ARVCF: variants seen among roughly 807,000 people sequenced by gnomAD.
The protein encoded by ARVCF is ARVCF delta catenin family member.
Under a neutral mutation model 90.9 loss-of-function variants are expected in ARVCF, and 66 were observed. The ratio of observed to expected loss-of-function variants is 0.73; its 90% CI spans 0.60 to 0.89. The LOEUF is 0.89. Ranked by LOEUF, ARVCF falls within the 40% of genes least tolerant of loss-of-function variation. The pLI is 0.00. For synonymous variants in ARVCF, 653 were observed against 603.4 expected, an observed-to-expected ratio of 1.08 and a Z score of -1.21; for missense variants, 1,469 against 1,382.3, an observed-to-expected ratio of 1.06 and a Z score of -1.00.
Position 19,971,890 on chromosome 22 carries a change from A to T in ARVCF, c.2777T>A (p.Leu926Ter), listed in dbSNP as rs1428757344. The T allele has an allele frequency of 2.5e-6, 4 of 1,613,084 alleles. No individual in the cohort carries two copies. The African/African-American group carries it at 5.3e-5, about 22-fold the overall frequency. ...CACAGCCACATGACCACTTACTTTC[A>T]AGGGTTCCTTCTCAGAGGCCTCTCC... ...SAGEASEKEP[L>*]KLDPSRKAPP... The change falls in exon 18 of 20, where the codon TTG becomes TAG. Residue 926 changes from leucine (L) to a stop codon, truncating the protein, a stop_gained. Coordinates refer to ENST00000263207, the MANE Select transcript of ARVCF (RefSeq NM_001670.3). LOFTEE classifies it high-confidence loss of function.
At chr22:19,987,978 C>T (rs1943882358) in intron 3 of ARVCF, among the ~76,000 whole-genome samples, 1 of 152,200 alleles carries the variant, frequency 6.6e-6, no homozygotes, top group Non-Finnish European at 1.5e-5. Flanking sequence ...TCAAACCCCA[C>T]AAAGGCCAAG....
chr22:19,978,032 C>T lies in ARVCF; in HGVS notation c.1624G>A (p.Glu542Lys). The change falls in exon 8 of 20, where the codon GAG becomes AAG. Residue 542 changes from glutamate (E) to lysine (K), a missense_variant. Coordinates refer to ENST00000263207, the MANE Select transcript of ARVCF (RefSeq NM_001670.3). ...AGCGCGTCCACCAGCCCTTCACACT[C>T]CCGGAGTCGCCGCCGGGCCTCAGCA... ...DGAEARRRLR[E>K]CEGLVDALLH... is the part of the protein sequence containing the mutation. 1 of 1,611,788 alleles carries T rather than the reference C, an allele frequency of 6.2e-7. No individual in the cohort carries two copies.
Position 19,982,900 on chromosome 22 carries a change from G to A in ARVCF, c.211-809C>T, listed in dbSNP as rs117224761. ...TTGCCACCATTCTGCATGGGGTGAC[G>A]ACACTGGAATTCTAGGCAAGACAAC... On this transcript the variant is annotated intron_variant, in intron 3 of 19. Coordinates refer to ENST00000263207, the MANE Select transcript of ARVCF (RefSeq NM_001670.3). 1.1e-4 allele frequency among the ~76,000 whole-genome samples: 17 copies of A among 152,328 alleles called. No homozygotes were observed. The East Asian group carries it at 2.1e-3, about 19-fold the overall frequency.
At chr22:19,967,492 C>T (rs1267881879), downstream of ARVCF, 1 of 432,520 alleles carries the variant, frequency 2.3e-6, no homozygotes, top group Non-Finnish European at 4.7e-6. Flanking sequence ...ACTGACCTTG[C>T]AGCCGTGTGG....
Position 19,970,584 on chromosome 22 carries a change from G to A in ARVCF, c.*172C>T. 8.1e-7 allele frequency: 1 copy of A among 1,236,002 alleles called. No individual in the cohort carries two copies. Among genetic ancestry groups the A allele is most frequent in the Non-Finnish European group, 1.0e-6 (1 of 963,640 alleles). 76.6% of individuals were successfully genotyped at this position (1,236,002 alleles called of 1,614,324 possible). A position where few individuals can be genotyped will look rare whatever the true frequency, so the allele number is the denominator to read the frequency against. Reference sequence around the variant, plus strand: ...GGAGTTAGGTAGGATGGGGGGAGTGGGGTGGGGGGGCAGGAGGGTGTCCCC... The same window carrying A: ...GGAGTTAGGTAGGATGGGGGGAGTGAGGTGGGGGGGCAGGAGGGTGTCCCC... On this transcript the variant is annotated 3_prime_UTR_variant, in exon 20 of 20. Transcript: ENST00000263207.
intron 3 of ARVCF, 51 bp from the exon 4 acceptor site, chr22:19,982,142 G>C: frequency 6.3e-7 from 1 of 1,594,716 alleles, no homozygotes; most frequent in Non-Finnish European, 8.5e-7. Flanking sequence ...AGTCACCCCT[G>C]GAGTGCAGGT....
chr22:19,966,309 A>G (rs174697), downstream of ARVCF, among the ~76,000 whole-genome samples: 133,598 of 151,916 alleles, frequency 0.88, 59,287 homozygotes, highest in Middle Eastern at 0.96. Flanking sequence ...CGGAGGCACG[A>G]GGGGTGAGGG....
chr22:20,003,588 AT>A (rs1569191122), intron 2 of ARVCF, among the ~76,000 whole-genome samples: 1 of 152,244 alleles, frequency 6.6e-6, no homozygotes, highest in Non-Finnish European at 1.5e-5. Flanking sequence ...AAATCAATCA[AT>A]GTAATACGCC....
rs1944627113 is a variant in ARVCF, at chr22:20,006,402, C to T, written c.-19+4053G>A. Among the ~76,000 whole-genome samples, 3 of 151,590 alleles carry T rather than the reference C, an allele frequency of 2.0e-5. No individual in the cohort carries two copies. In the South Asian group the frequency reaches 6.3e-4, roughly 32 times the overall value. The stretch of plus-strand genomic sequence containing the variant: ...ACCATCCTGGCTAACATGGTGAAAC[C>T]CCGTCTCTACTAAAAGTACAAAAAA... On this transcript the variant is annotated intron_variant, in intron 2 of 19. Transcript: ENST00000263207.
At chr22:19,972,482 G>A in intron 16 of ARVCF, 71 bp from the exon 17 acceptor site, 6 of 1,587,922 alleles carry the variant, frequency 3.8e-6, no homozygotes, top group African/African-American at 2.7e-5. Context: ...AGCCCACACA[G>A]GGCTGGCCCA....
intron 9 of ARVCF, 67 bp from the exon 10 acceptor site, chr22:19,976,790 C>A (rs571181555): frequency 2.0e-5 from 31 of 1,534,664 alleles, no homozygotes; most frequent in Middle Eastern, 1.7e-4. Context: ...ATCACCCCCC[C>A]ATGCCCTCCC....
At position 19,973,776 on chromosome 22, in the gene ARVCF, G is replaced by A. The variant is rs1322640266; in HGVS notation, c.2106C>T (p.Arg702=). Residue 702 remains arginine, a synonymous_variant, in exon 13 of 20, where the codon CGC becomes CGT. Transcript: ENST00000263207. The part of the protein sequence containing the change: ...AGNWMWATYI[R]ATVRKERGLP... ...GCCCGCGCTCTTTGCGCACTGTGGC[G>A]CGGATGTACGTGGCCCACTGCGGAG... is the stretch of plus-strand genomic sequence containing the variant. The A allele has an allele frequency of 1.2e-6, 2 of 1,606,332 alleles. No homozygotes were observed. Among genetic ancestry groups the A allele is most frequent in the African/African-American group, 1.3e-5 (1 of 75,066 alleles).
At chr22:19,977,231 G>A (rs949818516) in intron 9 of ARVCF, among the ~76,000 whole-genome samples, 184 bp downstream of exon 9, 5 of 151,708 alleles carry the variant, frequency 3.3e-5, no homozygotes, top group African/African-American at 1.2e-4. Context: ...TTGGACCTGG[G>A]TCCCATCAAC....
intron 2 of ARVCF, among the ~76,000 whole-genome samples, chr22:19,993,936 C>T (rs895236762): frequency 1.3e-5 from 2 of 152,242 alleles, no homozygotes; most frequent in African/African-American, 2.4e-5. Flanking sequence ...AGGACCAGGA[C>T]GTGAGCCTCC....
At chr22:19,977,679 C>A (rs1409888799) in intron 8 of ARVCF, 93 bp from the exon 9 acceptor site, 8 of 1,450,628 alleles carry the variant, frequency 5.5e-6, no homozygotes, top group Non-Finnish European at 7.3e-6. Flanking sequence ...CATGAGGGCA[C>A]CGGGAGCAAA....
rs1204479187 is a variant in ARVCF, at chr22:19,990,814, T to C, written c.-18-2A>G. ...CTCCATGACCAGAGCGCCCGCCAGC[T>C]GCAGGCAAAGCAGAGTAAGCTCAGT... On this transcript the variant is annotated splice_acceptor_variant, in intron 2 of 19. Transcript: ENST00000263207. LOFTEE classifies it low-confidence loss of function (5UTR_SPLICE). 2 of 1,545,214 alleles carry C rather than the reference T, an allele frequency of 1.3e-6. No homozygotes were observed. The highest frequency in any genetic ancestry group is 2.7e-5 in the African/African-American group (2 of 73,156).
At position 19,981,605 on chromosome 22, in the gene ARVCF, G is replaced by A; in HGVS notation, c.502C>T (p.Leu168=). The change falls in exon 5 of 20, where the codon CTG becomes TTG. Residue 168 remains leucine (L), a synonymous_variant. Transcript: ENST00000263207. The stretch of plus-strand genomic sequence containing the variant: ...GCCACTGGGCCACCACCACGCAGCA[G>A]GAAATGCCGGTCCAGGGCACCATCT... ...FADGALDRHF[L]LRGGGPVATL... The A allele has an allele frequency of 6.2e-7, 1 of 1,607,718 alleles. No homozygotes were observed. Among genetic ancestry groups the A allele is most frequent in the Non-Finnish European group, 8.5e-7 (1 of 1,179,660 alleles).
chr22:20,012,229 G>C (rs1363672913), intron 1 of ARVCF, among the ~76,000 whole-genome samples: 1 of 152,226 alleles, frequency 6.6e-6, no homozygotes, highest in Non-Finnish European at 1.5e-5. Context: ...GTCCAAGTGA[G>C]GCATTGGAGA....
downstream of ARVCF, chr22:19,969,386 C>G (rs898275789): frequency 2.6e-5 from 4 of 152,858 alleles, no homozygotes; most frequent in African/African-American, 7.2e-5. Context: ...GAAGCATCTC[C>G]TTCCCTACTC....
Sources: allele counts gnomAD v4.1 joint callset (sites outside exome capture counted in the v4.1 genomes callset), GRCh38; gene constraint gnomAD v4.1.1; transcripts MANE v1.5; gene names NCBI Gene and HGNC (gene_info 2026-07-23, HGNC 2026-07-21).